The following ADAM23 variants were observed in gnomAD, a reference collection of about 807,000 sequenced individuals.
The protein encoded by ADAM23 is disintegrin and metalloproteinase domain-containing protein 23.
In ADAM23, 33 loss-of-function variants were observed where a neutral mutation model predicts 120.1. The ratio of observed to expected loss-of-function variants is 0.27; its 90% confidence interval spans 0.21 to 0.37. The LOEUF is 0.37. ADAM23 is among the 10% of genes least tolerant of loss of function. The pLI is 1.00. For synonymous variants in ADAM23, 367 were observed against 375.2 expected, an observed-to-expected ratio of 0.98 and a Z score of 0.25; for missense variants, 862 against 1,058.2, an observed-to-expected ratio of 0.81 and a Z score of 2.57.
chr2:206,474,884 A>G (rs1347424829), intron 2 of ADAM23, among the ~76,000 whole-genome samples: 1 of 152,122 alleles, frequency 6.6e-6, no homozygotes, highest in Non-Finnish European at 1.5e-5. Flanking sequence ...CGTCAGTTGC[A>G]TTATTGTATT....
At chr2:206,526,285 A>G (rs1444113053) in intron 3 of ADAM23, among the ~76,000 whole-genome samples, 2 of 152,174 alleles carry the variant, frequency 1.3e-5, no homozygotes, top group African/African-American at 4.8e-5. Flanking sequence ...CTCTGCTTGT[A>G]TAGTTGCTGA....
chr2:206,559,235 C>T (rs574023328), intron 10 of ADAM23, among the ~76,000 whole-genome samples: 5 of 152,322 alleles, frequency 3.3e-5, no homozygotes, highest in Non-Finnish European at 7.3e-5. Context: ...TGAGCTACCG[C>T]GCCTGGCCCA....
At chr2:206,602,536 A>T (rs1033315674) in intron 24 of ADAM23, among the ~76,000 whole-genome samples, 1 of 152,178 alleles carries the variant, frequency 6.6e-6, no homozygotes, top group East Asian at 1.9e-4. Flanking sequence ...ACTTTGGTCC[A>T]TGGAATACAA....
At chr2:206,573,008 G>A in intron 17 of ADAM23, 107 bp from the exon 18 acceptor site, 7 of 1,086,962 alleles carry the variant, frequency 6.4e-6, no homozygotes, top group South Asian at 2.5e-5. Context: ...AAAGAGTTTG[G>A]TGTTAGTTAT....
At chr2:206,522,407 G>A (rs1037220153) in intron 3 of ADAM23, among the ~76,000 whole-genome samples, 11 of 151,700 alleles carry the variant, frequency 7.3e-5, no homozygotes, top group Non-Finnish European at 1.2e-4. Context: ...ATATACCTAG[G>A]AAGAATAGAA....
intron 2 of ADAM23, among the ~76,000 whole-genome samples, chr2:206,467,393 C>T (rs1023829496): frequency 2.0e-5 from 3 of 152,194 alleles, no homozygotes; most frequent in South Asian, 2.1e-4. Context: ...GAGAAATCAG[C>T]GAAAAGAAAG....
At chr2:206,598,516 A>G (rs1698573646) in intron 24 of ADAM23, among the ~76,000 whole-genome samples, 1 of 152,230 alleles carries the variant, frequency 6.6e-6, no homozygotes, top group Admixed American at 6.5e-5. Context: ...TTTAAAAAAA[A>G]ATAACTTTTT....
intron 3 of ADAM23, among the ~76,000 whole-genome samples, chr2:206,510,981 A>C (rs1696611783): frequency 6.6e-6 from 1 of 151,918 alleles, no homozygotes; most frequent in Non-Finnish European, 1.5e-5. Flanking sequence ...CTGTTCTGTT[A>C]TATTTTTACC....
rs553915016 is a variant in ADAM23, at chr2:206,555,005, C to T, written c.934-2422C>T. On this transcript the variant is annotated intron_variant, in intron 9 of 25. Transcript: ENST00000264377. ...TTCTTCCTAGTCTTTAAAATCTGAC[C>T]TCTGGAATTATGTGAGTGCCGCAGG... 3.3e-5 allele frequency among the ~76,000 whole-genome samples: 5 copies of T among 152,166 alleles called. No homozygotes were observed. The East Asian group carries it at 9.6e-4, about 29-fold the overall frequency.
At chr2:206,539,742 G>C (rs1458708334) in intron 4 of ADAM23, among the ~76,000 whole-genome samples, 1 of 152,008 alleles carries the variant, frequency 6.6e-6, no homozygotes, top group African/African-American at 2.4e-5. Flanking sequence ...TTCTCTCTCA[G>C]GATTTATTTT....
At chr2:206,519,165 C>T (rs900286241) in intron 3 of ADAM23, among the ~76,000 whole-genome samples, 1 of 152,058 alleles carries the variant, frequency 6.6e-6, no homozygotes, top group Non-Finnish European at 1.5e-5. Flanking sequence ...TCAGGCATTC[C>T]CCTGTGACAG....
chr2:206,489,869 G>A (rs984872255), intron 3 of ADAM23, among the ~76,000 whole-genome samples: 5 of 152,138 alleles, frequency 3.3e-5, no homozygotes, highest in Non-Finnish European at 5.9e-5. Flanking sequence ...AATTATTTTG[G>A]TCAATTTGTA....
At chr2:206,546,126 C>G (rs1020241438) in intron 6 of ADAM23, among the ~76,000 whole-genome samples, 1 of 152,188 alleles carries the variant, frequency 6.6e-6, no homozygotes, top group Non-Finnish European at 1.5e-5. Flanking sequence ...CTGATTGTTA[C>G]ATGCAAATTG....
rs559112933 is a variant in ADAM23 at position 206,537,591 on chromosome 2, T to C, written c.574-4461T>C. On this transcript the variant is annotated intron_variant, in intron 4 of 25. Coordinates refer to ENST00000264377, the MANE Select transcript of ADAM23 (RefSeq NM_003812.4). ...TTTTTCTCATTCCCTCTTCTTTTAG[T>C]AATATTTTAATGAAGTTTTCAGACT... 3.9e-5 allele frequency among the ~76,000 whole-genome samples: 6 copies of C among 152,296 alleles called. No individual in the cohort carries two copies. The South Asian group carries it at 1.2e-3, about 32-fold the overall frequency.
At chr2:206,578,200 CTATT>C (rs775232232) in intron 18 of ADAM23, among the ~76,000 whole-genome samples, 6 of 151,844 alleles carry the variant, frequency 4.0e-5, no homozygotes, top group African/African-American at 1.5e-4. Context: ...CATTACAAAT[CTATT>C]TATTTATTTT....
At chr2:206,600,171 C>T (rs1698612303) in intron 24 of ADAM23, among the ~76,000 whole-genome samples, 1 of 152,272 alleles carries the variant, frequency 6.6e-6, no homozygotes, top group African/African-American at 2.4e-5. Flanking sequence ...CACTGCACTC[C>T]AACCTGGGCA....
chr2:206,617,685 C>G lies in ADAM23; in HGVS notation c.*58C>G, dbSNP rs531504556. 3 of 1,606,066 alleles carry G rather than the reference C, an allele frequency of 1.9e-6. No homozygotes were observed. Among genetic ancestry groups the G allele is most frequent in the Non-Finnish European group, 2.6e-6 (3 of 1,176,284 alleles). ...TGTTGGATTCTGGGTATGACATACT[C>G]GCAGCAGTGTTACTGGAACTATTAA... On this transcript the variant is annotated 3_prime_UTR_variant, in exon 26 of 26. Coordinates refer to ENST00000264377, the MANE Select transcript of ADAM23 (RefSeq NM_003812.4).
chr2:206,530,964 TCGG>T lies in ADAM23; in HGVS notation c.573+18_573+20del. 2 of 1,611,108 alleles carry T rather than the reference TCGG, an allele frequency of 1.2e-6. No individual in the cohort carries two copies. The highest frequency in any genetic ancestry group is 1.7e-6 in the Non-Finnish European group (2 of 1,177,612). On this transcript the variant is annotated intron_variant, in intron 4 of 25. Coordinates refer to ENST00000264377, the MANE Select transcript of ADAM23 (RefSeq NM_003812.4). ...GTACTCTAAGGTACGGTTACCGGCGTCGGCAAGTACTCTAGTATAAGTGTGCTT... is the reference window on the plus strand; with the variant it reads ...GTACTCTAAGGTACGGTTACCGGCGTCAAGTACTCTAGTATAAGTGTGCTT...
intron 3 of ADAM23, among the ~76,000 whole-genome samples, chr2:206,506,259 C>T (rs762466842): frequency 1.1e-4 from 17 of 152,162 alleles, no homozygotes; most frequent in Admixed American, 1.3e-4. Context: ...CACGGTTATT[C>T]TTTGTCATAT....
Sources: gnomAD v4.1 joint callset for allele counts (sites outside exome capture counted in the v4.1 genomes callset) on GRCh38, gnomAD v4.1.1 for gene constraint, MANE v1.5 for transcripts, NCBI Gene and HGNC (gene_info 2026-07-23, HGNC 2026-07-21) for gene names.